Variants in ASTN2 observed in about 807,000 individuals in gnomAD.
The protein encoded by ASTN2 is astrotactin-2.
ASTN2 carries 54 observed loss-of-function variants against 139.8 expected under a neutral mutation model. The ratio of observed to expected loss-of-function variants is 0.39; its 90% CI spans 0.31 to 0.48. The LOEUF (loss-of-function observed/expected upper bound fraction) is 0.48. ASTN2 is among the 20% of genes least tolerant of loss of function. ASTN2 has a pLI of 0.95. For missense variants in ASTN2, 1,565 were observed against 1,725.1 expected, an observed-to-expected ratio of 0.91 and a Z score of 1.64; for synonymous variants, 756 against 719.5, an observed-to-expected ratio of 1.05 and a Z score of -0.81.
chr9:117,011,732 G>A (rs1309192551), intron 6 of ASTN2, among the ~76,000 whole-genome samples: 1 of 152,160 alleles, frequency 6.6e-6, no homozygotes, highest in East Asian at 1.9e-4. Flanking sequence ...TTCAGGATAG[G>A]TATTTCTTCC....
chr9:117,028,671 T>C (rs537256825), intron 6 of ASTN2, among the ~76,000 whole-genome samples: 6 of 152,258 alleles, frequency 3.9e-5, no homozygotes, highest in South Asian at 2.1e-4. Flanking sequence ...TGTCTTCAAA[T>C]GGCAACTTGT....
At chr9:116,983,743 G>C (rs1364608908) in intron 7 of ASTN2, among the ~76,000 whole-genome samples, 2 of 152,156 alleles carry the variant, frequency 1.3e-5, no homozygotes, top group African/African-American at 2.4e-5. Context: ...AATAATCAAA[G>C]TTGGAAATAT....
chr9:117,241,267 A>C (rs1833196755), intron 2 of ASTN2, among the ~76,000 whole-genome samples: 1 of 152,198 alleles, frequency 6.6e-6, no homozygotes, highest in African/African-American at 2.4e-5. Flanking sequence ...GCTAGAAGAA[A>C]ATTTGACAAC....
chr9:116,688,996 A>T (rs1373037023), intron 16 of ASTN2, among the ~76,000 whole-genome samples: 1 of 152,046 alleles, frequency 6.6e-6, no homozygotes, highest in Non-Finnish European at 1.5e-5. Context: ...ATGTCTGGAG[A>T]TGTTTTTTGG....
chr9:116,961,567 T>G (rs1835876320), intron 10 of ASTN2, among the ~76,000 whole-genome samples: 1 of 152,226 alleles, frequency 6.6e-6, no homozygotes, highest in Non-Finnish European at 1.5e-5. Context: ...TTTTTAGGGC[T>G]GAATAATATT....
At chr9:116,818,483 C>A (rs1302613873) in intron 12 of ASTN2, among the ~76,000 whole-genome samples, 2 of 152,060 alleles carry the variant, frequency 1.3e-5, no homozygotes, top group Non-Finnish European at 2.9e-5. Flanking sequence ...TTTTAGGATG[C>A]CTGGGTTTTG....
chr9:116,999,286 T>TG (rs1837115098), intron 7 of ASTN2, among the ~76,000 whole-genome samples: 1 of 152,210 alleles, frequency 6.6e-6, no homozygotes, highest in Non-Finnish European at 1.5e-5. Flanking sequence ...GCCACTAATT[T>TG]ACGGTGTGAC....
intron 20 of ASTN2, among the ~76,000 whole-genome samples, chr9:116,472,367 C>T (rs1294991275): frequency 8.5e-5 from 13 of 152,164 alleles, no homozygotes; most frequent in African/African-American, 4.8e-5. Flanking sequence ...CTCAAAGGCA[C>T]CTCCCCAAAG....
intron 20 of ASTN2, among the ~76,000 whole-genome samples, chr9:116,482,309 G>C (rs1031851760): frequency 1.3e-5 from 2 of 152,108 alleles, no homozygotes; most frequent in African/African-American, 4.8e-5. Context: ...CTGGGTGACA[G>C]AGCAAGACTC....
intron 4 of ASTN2, among the ~76,000 whole-genome samples, chr9:117,139,213 A>G (rs1466283492): frequency 1.3e-5 from 2 of 152,224 alleles, no homozygotes; most frequent in East Asian, 3.9e-4. Flanking sequence ...CAGAACAAAC[A>G]TAAGATTGCA....
At chr9:117,312,084 C>G (rs1440578106) in intron 1 of ASTN2, among the ~76,000 whole-genome samples, 1 of 152,128 alleles carries the variant, frequency 6.6e-6, no homozygotes, top group Non-Finnish European at 1.5e-5. Flanking sequence ...AAAGGAGGTA[C>G]CCCATATGTA....
intron 7 of ASTN2, among the ~76,000 whole-genome samples, chr9:116,983,465 A>G (rs1407718757): frequency 6.6e-6 from 1 of 152,220 alleles, no homozygotes; most frequent in Non-Finnish European, 1.5e-5. Context: ...CCTAGGTCAT[A>G]GGGCCAGGTC....
intron 5 of ASTN2, among the ~76,000 whole-genome samples, chr9:117,046,980 A>G (rs1050936535): frequency 6.6e-6 from 1 of 152,186 alleles, no homozygotes; most frequent in African/African-American, 2.4e-5. Flanking sequence ...CAGAAATCAT[A>G]CAAAAACACC....
At chr9:117,350,241 T>G (rs1587971815) in intron 1 of ASTN2, among the ~76,000 whole-genome samples, 1 of 151,836 alleles carries the variant, frequency 6.6e-6, no homozygotes, top group East Asian at 1.9e-4. Flanking sequence ...GCAAGAAAGG[T>G]TTGGAGAATA....
chr9:117,369,707 G>A (rs1829939484), intron 1 of ASTN2, among the ~76,000 whole-genome samples: 1 of 152,142 alleles, frequency 6.6e-6, no homozygotes, highest in Non-Finnish European at 1.5e-5. Flanking sequence ...GGCACTTGAT[G>A]AATACTTGCT....
intron 7 of ASTN2, among the ~76,000 whole-genome samples, chr9:117,007,015 G>T (rs1030661285): frequency 2.4e-4 from 37 of 152,286 alleles, no homozygotes; most frequent in African/African-American, 8.2e-4. Context: ...TACTCAGGAG[G>T]CTGAGGCAGG....
At chr9:117,314,183 C>T (rs1317941665) in intron 1 of ASTN2, among the ~76,000 whole-genome samples, 1 of 152,180 alleles carries the variant, frequency 6.6e-6, no homozygotes, top group African/African-American at 2.4e-5. Context: ...GCTAACAATG[C>T]ATCCGTTTCA....
At chr9:117,343,154 A>C (rs1363329783) in intron 1 of ASTN2, among the ~76,000 whole-genome samples, 1 of 152,112 alleles carries the variant, frequency 6.6e-6, no homozygotes, top group Non-Finnish European at 1.5e-5. Flanking sequence ...CTAGGGGAGA[A>C]ACTATTCCTT....
chr9:116,786,406 G>A (rs1229284356), intron 13 of ASTN2, among the ~76,000 whole-genome samples: 2 of 152,112 alleles, frequency 1.3e-5, no homozygotes, highest in African/African-American at 4.8e-5. Flanking sequence ...TTGTCTTCCT[G>A]GTTTCCTAGA....
Sources: gnomAD v4.1 joint callset for allele counts (sites outside exome capture counted in the v4.1 genomes callset) on GRCh38, gnomAD v4.1.1 for gene constraint, MANE v1.5 for transcripts, NCBI Gene and HGNC (gene_info 2026-07-23, HGNC 2026-07-21) for gene names.